Variants in TTC4 observed in about 807,000 individuals in gnomAD.
The protein encoded by TTC4 is tetratricopeptide repeat domain 4, also known as hsp70/Hsp90 co-chaperone CNS1 homolog.
TTC4 carries 36 observed loss-of-function variants against 51.9 expected under a neutral mutation model. The ratio of observed to expected loss-of-function variants is 0.69; its 90% confidence interval spans 0.53 to 0.92. The LOEUF (loss-of-function observed/expected upper bound fraction) is 0.92. TTC4 is among the 40% of genes least tolerant of loss of function. TTC4 has a pLI of 0.00. For synonymous variants in TTC4, 144 were observed against 164.2 expected, an observed-to-expected ratio of 0.88 and a Z score of 0.94; for missense variants, 399 against 454.6, an observed-to-expected ratio of 0.88 and a Z score of 1.11.
intron 6 of TTC4, among the ~76,000 whole-genome samples, chr1:54,730,006 C>T (rs11206423): frequency 0.14 from 21,391 of 152,210 alleles, 1,911 homozygotes; most frequent in East Asian, 0.21. Flanking sequence ...TAGGCGTGAG[C>T]CACGGTGCCC....
Position 54,737,481 on chromosome 1 carries a change from C to A in TTC4, c.979-101C>A, listed in dbSNP as rs1179697153. On this transcript the variant is annotated intron_variant, in intron 8 of 9. Coordinates refer to ENST00000371281, the MANE Select transcript of TTC4 (RefSeq NM_004623.5). The stretch of plus-strand genomic sequence containing the variant: ...ACAACCATATAAAGGAGGCATTCAA[C>A]TACTAACCGTTGCCATCTTTTTAAT... 4.8e-6 allele frequency: 5 copies of A among 1,039,580 alleles called. No individual in the cohort carries two copies. The Admixed American group carries it at 9.3e-5, about 19-fold the overall frequency. The allele number at this position is 1,039,580 out of a possible 1,614,324, so 64.4% of individuals were successfully genotyped here.
At chr1:54,731,849 T>C (rs113588341) in intron 7 of TTC4, 149 bp downstream of exon 7, 30,646 of 735,306 alleles carry the variant, frequency 0.042, 856 homozygotes, top group South Asian at 0.082. Context: ...CTCTCTATCC[T>C]GTAGCTGACT....
intron 9 of TTC4, among the ~76,000 whole-genome samples, chr1:54,738,274 A>G (rs1276163511): frequency 1.3e-5 from 2 of 151,612 alleles, no homozygotes; most frequent in African/African-American, 2.4e-5. Flanking sequence ...CAGGCAAGAC[A>G]TACCCCCATG....
intron 4 of TTC4, among the ~76,000 whole-genome samples, chr1:54,721,606 G>A (rs2101306995): frequency 6.6e-6 from 1 of 152,282 alleles, no homozygotes; most frequent in African/African-American, 2.4e-5. Context: ...CTTTGGTGCT[G>A]AGATGTTCTC....
chr1:54,739,928 A>G (rs1167602945), intron 9 of TTC4, among the ~76,000 whole-genome samples: 1 of 152,230 alleles, frequency 6.6e-6, no homozygotes, highest in Non-Finnish European at 1.5e-5. Flanking sequence ...GCTCATACCT[A>G]TAATTCCAGC....
At chr1:54,722,974 G>T (rs575315593) in intron 5 of TTC4, among the ~76,000 whole-genome samples, 175 bp downstream of exon 5, 4 of 152,330 alleles carry the variant, frequency 2.6e-5, no homozygotes, top group Admixed American at 6.5e-5. Context: ...TGATATAGAG[G>T]TAAGCAAGGA....
intron 9 of TTC4, among the ~76,000 whole-genome samples, chr1:54,739,683 G>C (rs1645988937): frequency 2.6e-5 from 4 of 152,224 alleles, no homozygotes. Context: ...GCAAAGCAAA[G>C]CAGAGAAAAG....
intron 7 of TTC4, among the ~76,000 whole-genome samples, chr1:54,732,736 C>G (rs182197143): frequency 6.4e-4 from 96 of 150,482 alleles, no homozygotes; most frequent in African/African-American, 2.2e-3. Flanking sequence ...CTGGGATTTA[C>G]AGGCATGAGC....
At chr1:54,732,652 GTCTC>G (rs767968559) in intron 7 of TTC4, among the ~76,000 whole-genome samples, 52 of 151,808 alleles carry the variant, frequency 3.4e-4, no homozygotes, top group Non-Finnish European at 5.4e-4. Flanking sequence ...TAGACACAGA[GTCTC>G]TCTATGTTGC....
intron 7 of TTC4, 102 bp downstream of exon 7, chr1:54,731,802 GT>G: frequency 9.0e-7 from 1 of 1,106,500 alleles, no homozygotes; most frequent in Non-Finnish European, 1.3e-6. Context: ...GAAGATAATG[GT>G]TTAGAGGGTT....
chr1:54,731,866 T>C (rs986875116), intron 7 of TTC4, among the ~76,000 whole-genome samples, 166 bp downstream of exon 7: 5 of 152,220 alleles, frequency 3.3e-5, no homozygotes, highest in Admixed American at 6.5e-5. Context: ...GACTGAACCT[T>C]GACTAACTAG....
chr1:54,715,866 CT>C lies in TTC4; in HGVS notation c.-41del. The stretch of plus-strand genomic sequence containing the variant: ...CCGCGCCGCCGGAAGGAGCCGCTCG[CT>C]TCACGGCGCTGGGACCCGGGCTGGA... On this transcript the variant is annotated 5_prime_UTR_variant, in exon 1 of 10. Coordinates refer to ENST00000371281, the MANE Select transcript of TTC4 (RefSeq NM_004623.5). The C allele has an allele frequency of 1.3e-6, 2 of 1,517,074 alleles. No individual in the cohort carries two copies. The highest frequency in any genetic ancestry group is 1.8e-6 in the Non-Finnish European group (2 of 1,115,498). 94.0% of individuals were successfully genotyped at this position (1,517,074 alleles called of 1,614,324 possible). A position where few individuals can be genotyped will look rare whatever the true frequency, so the allele number is the denominator to read the frequency against.
Position 54,715,962 on chromosome 1 carries a change from G to T in TTC4, c.54G>T (p.Leu18=). ...CAGACGACGTCATGGACTCGTTCCTGGAAAAGTTCCAGAGCCAGCCTTACC... is the reference window on the plus strand; with the variant it reads ...CAGACGACGTCATGGACTCGTTCCTTGAAAAGTTCCAGAGCCAGCCTTACC... ...PTSDDVMDSF[L]EKFQSQPYRG... Residue 18 remains leucine, a synonymous_variant, in exon 1 of 10, where the codon CTG becomes CTT. Coordinates refer to ENST00000371281, the MANE Select transcript of TTC4 (RefSeq NM_004623.5). 1 of 1,606,644 alleles carries T rather than the reference G, an allele frequency of 6.2e-7. No homozygotes were observed. Among genetic ancestry groups the T allele is most frequent in the Non-Finnish European group, 8.5e-7 (1 of 1,176,656 alleles).
intron 3 of TTC4, 35 bp downstream of exon 3, chr1:54,717,688 T>C (rs1304748074): frequency 6.7e-7 from 1 of 1,486,298 alleles, no homozygotes; most frequent in South Asian, 1.5e-5. Flanking sequence ...AATAAACTTA[T>C]GATACAAGCC....
At chr1:54,725,363 A>G (rs949844205) in intron 5 of TTC4, among the ~76,000 whole-genome samples, 2 of 152,242 alleles carry the variant, frequency 1.3e-5, no homozygotes, top group Admixed American at 6.5e-5. Context: ...ATAAAGCTTA[A>G]AAGGAAAAAC....
intron 2 of TTC4, 46 bp from the exon 3 acceptor site, chr1:54,717,446 C>CT: frequency 7.0e-7 from 1 of 1,420,492 alleles, no homozygotes; most frequent in Non-Finnish European, 9.2e-7. Context: ...TTTAATGAGC[C>CT]TTTTAAAAAG....
chr1:54,741,881 AGAAGC>A lies in TTC4; in HGVS notation c.*369_*373del. 10 of 228,160 alleles carry A rather than the reference AGAAGC, an allele frequency of 4.4e-5. No individual in the cohort carries two copies. Among genetic ancestry groups the A allele is most frequent in the East Asian group, 1.1e-4 (1 of 9,328 alleles). The allele number at this position is 228,160 out of a possible 1,614,324, so 14.1% of individuals were successfully genotyped here. A position where few individuals can be genotyped will look rare whatever the true frequency, so the allele number is the denominator to read the frequency against. ...ACTTTTGTGGAGTTTGACACCTTAG[AGAAGC>A]TACCCCTCAAACTGCACATCTACAC... On this transcript the variant is annotated 3_prime_UTR_variant, in exon 10 of 10. Coordinates refer to ENST00000371281, the MANE Select transcript of TTC4 (RefSeq NM_004623.5).
intron 6 of TTC4, among the ~76,000 whole-genome samples, chr1:54,730,789 T>TTTC (rs148759372): frequency 0.051 from 7,698 of 149,782 alleles, 490 homozygotes; most frequent in African/African-American, 0.14. Flanking sequence ...ATATTTGACA[T>TTTC]TTCTTTTTTT....
chr1:54,741,702 A>G lies in TTC4; in HGVS notation c.*189A>G, dbSNP rs530019461. On this transcript the variant is annotated 3_prime_UTR_variant, in exon 10 of 10. Transcript: ENST00000371281. ...ACTGCAGCCTCTCTGGCTGGTCTTC[A>G]CTTTCCTCAGTTGATATAAAACTCT... is the stretch of plus-strand genomic sequence containing the variant. 6.6e-6 allele frequency: 4 copies of G among 601,924 alleles called. No homozygotes were observed. The African/African-American group carries it at 7.4e-5, about 11-fold the overall frequency. The allele number at this position is 601,924 out of a possible 1,614,324, so 37.3% of individuals were successfully genotyped here. A position where few individuals can be genotyped will look rare whatever the true frequency, so the allele number is the denominator to read the frequency against.
Sources: allele counts gnomAD v4.1 joint callset (sites outside exome capture counted in the v4.1 genomes callset), GRCh38; gene constraint gnomAD v4.1.1; transcripts MANE v1.5; gene names NCBI Gene and HGNC (gene_info 2026-07-23, HGNC 2026-07-21).